Variants in RYR3 observed in about 807,000 individuals in gnomAD.
RYR3 encodes brain ryanodine receptor-calcium release channel.
In RYR3, 207 loss-of-function variants were observed where a neutral mutation model predicts 584.3. That is an observed-to-expected ratio of 0.35 (90% CI 0.32 to 0.40). The LOEUF is 0.40. Among genes scored for constraint, RYR3 ranks in the 10% least tolerant of loss-of-function variants. The pLI, the probability that RYR3 is intolerant of heterozygous loss-of-function variation, is 1.00. For synonymous variants in RYR3, 2,416 were observed against 2,248.5 expected, an observed-to-expected ratio of 1.07 and a Z score of -2.11; for missense variants, 5,616 against 6,089.2, an observed-to-expected ratio of 0.92 and a Z score of 2.59.
chr15:33,736,106 G>T, intron 48 of RYR3, 129 bp from the exon 49 acceptor site: 6 of 581,256 alleles, frequency 1.0e-5, no homozygotes, highest in Admixed American at 6.2e-5. Context: ...TTGTTTATCC[G>T]AGATCTTGTG....
At chr15:33,639,895 C>A (rs953230565) in intron 27 of RYR3, among the ~76,000 whole-genome samples, 1 of 150,050 alleles carries the variant, frequency 6.7e-6, no homozygotes, top group African/African-American at 2.4e-5. Flanking sequence ...TCAGAAGCCT[C>A]CAAGGCAAAC....
At chr15:33,568,553 C>A (rs1288923322) in intron 12 of RYR3, among the ~76,000 whole-genome samples, 2 of 152,098 alleles carry the variant, frequency 1.3e-5, no homozygotes, top group African/African-American at 4.8e-5. Flanking sequence ...ACCTTAGCCT[C>A]TTGAGTAGCT....
intron 89 of RYR3, chr15:33,839,735 A>G (rs1303494369): frequency 6.6e-6 from 1 of 152,252 alleles, no homozygotes; most frequent in African/African-American, 2.4e-5. Flanking sequence ...GAATAAAGGC[A>G]TTGGACAAGT....
intron 1 of RYR3, among the ~76,000 whole-genome samples, chr15:33,363,068 C>A (rs1043344830): frequency 3.3e-5 from 5 of 152,158 alleles, no homozygotes; most frequent in South Asian, 2.1e-4. Context: ...AACACAGCAA[C>A]CTTCATCTGG....
intron 38 of RYR3, among the ~76,000 whole-genome samples, chr15:33,693,739 T>C (rs1264122579): frequency 6.6e-6 from 1 of 152,242 alleles, no homozygotes; most frequent in African/African-American, 2.4e-5. Context: ...ACTCCCACTT[T>C]CATAGTTGAA....
At chr15:33,674,675 G>A (rs1187688985) in intron 38 of RYR3, among the ~76,000 whole-genome samples, 1 of 151,896 alleles carries the variant, frequency 6.6e-6, no homozygotes, top group African/African-American at 2.4e-5. Flanking sequence ...GAGGTTGGAT[G>A]TATTGTAATA....
intron 20 of RYR3, among the ~76,000 whole-genome samples, chr15:33,627,671 A>G (rs2061061709): frequency 1.3e-5 from 2 of 152,378 alleles, no homozygotes; most frequent in South Asian, 4.1e-4. Flanking sequence ...TGTGGTTAAT[A>G]CATCTAGTCT....
At chr15:33,505,493 G>A (rs2052391195) in intron 3 of RYR3, among the ~76,000 whole-genome samples, 1 of 151,986 alleles carries the variant, frequency 6.6e-6, no homozygotes, top group African/African-American at 2.4e-5. Context: ...CCAGTTTAGG[G>A]AAACTTTGTT....
intron 38 of RYR3, among the ~76,000 whole-genome samples, chr15:33,685,200 C>T (rs958503669): frequency 1.3e-5 from 2 of 152,172 alleles, no homozygotes; most frequent in African/African-American, 4.8e-5. Context: ...TCGGGAGACC[C>T]ATTTCACGTG....
chr15:33,488,185 G>A (rs1225229834), intron 2 of RYR3, among the ~76,000 whole-genome samples: 1 of 152,138 alleles, frequency 6.6e-6, no homozygotes, highest in African/African-American at 2.4e-5. Context: ...AAGGCAATCT[G>A]TACCTTAGTG....
intron 1 of RYR3, among the ~76,000 whole-genome samples, chr15:33,356,715 A>G (rs894635610): frequency 5.9e-5 from 9 of 152,192 alleles, no homozygotes; most frequent in African/African-American, 2.2e-4. Context: ...AATTATAAGT[A>G]GATACTCTCT....
chr15:33,794,335 T>TA (rs1182416961), intron 67 of RYR3, among the ~76,000 whole-genome samples: 2 of 30,114 alleles, frequency 6.6e-5, no homozygotes, highest in East Asian at 0.019. Flanking sequence ...TTATATATGT[T>TA]TATATATATA....
intron 64 of RYR3, among the ~76,000 whole-genome samples, chr15:33,779,694 A>G (rs73381201): frequency 0.012 from 1,831 of 152,262 alleles, 26 homozygotes; most frequent in Middle Eastern, 0.044. Flanking sequence ...GTGTTATATC[A>G]TCTTAACCAG....
intron 1 of RYR3, among the ~76,000 whole-genome samples, chr15:33,392,732 C>T (rs1015456150): frequency 6.6e-5 from 10 of 152,128 alleles, no homozygotes; most frequent in Non-Finnish European, 1.5e-4. Context: ...TCCGACACTA[C>T]TGGAATGGCA....
intron 1 of RYR3, among the ~76,000 whole-genome samples, chr15:33,438,802 T>G (rs60471706): frequency 0.24 from 35,794 of 152,000 alleles, 4,356 homozygotes; most frequent in Middle Eastern, 0.33. Flanking sequence ...ACCTAATAAC[T>G]AAAAGAATGG....
chr15:33,694,466 C>T (rs559074686), intron 38 of RYR3, among the ~76,000 whole-genome samples: 297 of 152,152 alleles, frequency 2.0e-3, no homozygotes, highest in African/African-American at 6.5e-3. Context: ...GGATAGTCTC[C>T]TTCTCCTGAC....
chr15:33,749,522 A>G (rs978658441), intron 55 of RYR3, among the ~76,000 whole-genome samples: 1 of 152,194 alleles, frequency 6.6e-6, no homozygotes, highest in Admixed American at 6.5e-5. Context: ...GATGGATTCT[A>G]CTAGAGAAAT....
intron 27 of RYR3, among the ~76,000 whole-genome samples, chr15:33,643,464 C>CA (rs1398179906): frequency 6.6e-6 from 1 of 152,174 alleles, no homozygotes; most frequent in Non-Finnish European, 1.5e-5. Context: ...GATCAAGCTA[C>CA]AGATGTGAGT....
At chr15:33,496,922 G>GT (rs2051485338) in intron 2 of RYR3, among the ~76,000 whole-genome samples, 1 of 150,412 alleles carries the variant, frequency 6.6e-6, no homozygotes, top group East Asian at 1.9e-4. Context: ...CTTCAAATAG[G>GT]TAAAAAAAAA....
Sources: allele counts gnomAD v4.1 joint callset (sites outside exome capture counted in the v4.1 genomes callset), GRCh38; gene constraint gnomAD v4.1.1; transcripts MANE v1.5; gene names NCBI Gene and HGNC (gene_info 2026-07-23, HGNC 2026-07-21).